Variants in UTRN observed in about 807,000 individuals in gnomAD.
UTRN encodes the protein dystrophin-related protein 1.
UTRN carries 283 observed loss-of-function variants against 463.9 expected under a neutral mutation model. The observed-to-expected ratio is 0.61, with a 90% CI of 0.55 to 0.67. The LOEUF is 0.67. Ranked by LOEUF, UTRN falls within the 30% of genes least tolerant of loss-of-function variation. UTRN has a pLI of 0.00. For synonymous variants in UTRN, 1,442 were observed against 1,431.5 expected (o/e 1.01, Z -0.17); for missense variants, 3,922 against 4,084.3 (o/e 0.96, Z 1.08).
At chr6:144,840,538 G>T (rs1325730664) in intron 72 of UTRN, among the ~76,000 whole-genome samples, 1 of 152,146 alleles carries the variant, frequency 6.6e-6, no homozygotes, top group Non-Finnish European at 1.5e-5. Flanking sequence ...GCTAGTACGT[G>T]TCAATTATGT....
intron 2 of UTRN, among the ~76,000 whole-genome samples, chr6:144,331,560 G>T (rs949143301): frequency 3.3e-5 from 5 of 152,176 alleles, no homozygotes; most frequent in Admixed American, 6.5e-5. Context: ...GTTAATTAGT[G>T]CCCCTGCATC....
chr6:144,343,406 AC>A, intron 2 of UTRN, among the ~76,000 whole-genome samples: 2 of 139,350 alleles, frequency 1.4e-5, no homozygotes, highest in Non-Finnish European at 3.1e-5. Context: ...ACACACACAC[AC>A]ACAATAGCCG....
At chr6:144,289,085 C>T (rs1410594718) in intron 1 of UTRN, among the ~76,000 whole-genome samples, 4 of 152,216 alleles carry the variant, frequency 2.6e-5, no homozygotes, top group Non-Finnish European at 5.9e-5. Context: ...CAGGCATGAG[C>T]CACCATGCTG....
chr6:144,555,929 A>G (rs988628388), intron 49 of UTRN, among the ~76,000 whole-genome samples: 4 of 152,378 alleles, frequency 2.6e-5, no homozygotes, highest in East Asian at 1.9e-4. Context: ...AACAAATCAG[A>G]TAAGTAAGTT....
intron 9 of UTRN, among the ~76,000 whole-genome samples, chr6:144,435,435 T>C (rs1307552898): frequency 1.3e-5 from 2 of 152,168 alleles, no homozygotes; most frequent in East Asian, 3.8e-4. Flanking sequence ...GGCTGTCTTT[T>C]AGTGTCTAAA....
intron 35 of UTRN, among the ~76,000 whole-genome samples, 190 bp downstream of exon 35, chr6:144,511,313 A>C (rs1795145808): frequency 6.6e-6 from 1 of 152,218 alleles, no homozygotes; most frequent in African/African-American, 2.4e-5. Context: ...AAGAATTTAC[A>C]GTGTTTCTAA....
chr6:144,475,034 G>A (rs549244330), intron 25 of UTRN, among the ~76,000 whole-genome samples: 18 of 152,296 alleles, frequency 1.2e-4, no homozygotes, highest in African/African-American at 3.1e-4. Context: ...AGACATTTGA[G>A]TGGGACCATT....
At chr6:144,725,733 A>G (rs913914932) in intron 53 of UTRN, among the ~76,000 whole-genome samples, 1 of 152,258 alleles carries the variant, frequency 6.6e-6, no homozygotes, top group Non-Finnish European at 1.5e-5. Flanking sequence ...TTATATGTAT[A>G]AAACTGTTGA....
chr6:144,666,741 A>C (rs1388448865), intron 51 of UTRN, among the ~76,000 whole-genome samples: 1 of 152,196 alleles, frequency 6.6e-6, no homozygotes, highest in Non-Finnish European at 1.5e-5. Context: ...GGTTTTCCAC[A>C]TACTGAAAAT....
chr6:144,704,247 G>C (rs1392641561), intron 53 of UTRN, among the ~76,000 whole-genome samples: 1 of 152,112 alleles, frequency 6.6e-6, no homozygotes, highest in African/African-American at 2.4e-5. Context: ...TCCTAGCTTA[G>C]TTTATGAAAG....
At position 144,304,974 on chromosome 6, in the gene UTRN, C is replaced by G. The variant is rs577976820; in HGVS notation, c.79+13067C>G. Among the ~76,000 whole-genome samples the G allele has an allele frequency of 1.1e-4, 17 of 151,218 alleles. No individual in the cohort carries two copies. In the East Asian group the frequency reaches 3.3e-3, roughly 29 times the overall value. On this transcript the variant is annotated intron_variant, in intron 2 of 74. Coordinates refer to ENST00000367545, the MANE Select transcript of UTRN (RefSeq NM_007124.3). ...GAAATGGAGTTTCACTCTTGTTGCC[C>G]AGGCTGGAGTGCAATGGCGCGATCT... is the stretch of plus-strand genomic sequence containing the variant.
Position 144,459,184 on chromosome 6 carries a change from C to T in UTRN, c.2537C>T (p.Thr846Ile). 6.2e-7 allele frequency: 1 copy of T among 1,610,696 alleles called. No homozygotes were observed. Among genetic ancestry groups the T allele is most frequent in the Non-Finnish European group, 8.5e-7 (1 of 1,178,816 alleles). The change falls in exon 21 of 75, where the codon ACA becomes ATA. Residue 846 changes from threonine to isoleucine, a missense_variant. Transcript: ENST00000367545. Reference sequence around the variant, plus strand: ...TTTTCTCTTCCTTAGCGGGAATTGACAAATCTTCTTGGCCTTCACCCCAAA... The same window carrying T: ...TTTTCTCTTCCTTAGCGGGAATTGATAAATCTTCTTGGCCTTCACCCCAAA... ...SLKDSCQREL[T>I]NLLGLHPKIE... is the part of the protein sequence containing the mutation.
Position 144,525,816 on chromosome 6 carries a change from T to C in UTRN, c.5906+2628T>C, listed in dbSNP as rs150517687. Among the ~76,000 whole-genome samples, 187 of 152,276 alleles carry C rather than the reference T, an allele frequency of 1.2e-3. 1 individual carries two copies. Among genetic ancestry groups the C allele is most frequent in the African/African-American group, 4.2e-3 (174 of 41,576 alleles). On this transcript the variant is annotated intron_variant, in intron 41 of 74. Transcript: ENST00000367545. ...CTTTTAGACTCTTTGATGTAGGCAT[T>C]TAATGCTATGCACATTCCTCTTAGT... is the stretch of plus-strand genomic sequence containing the variant.
At chr6:144,459,434 C>T (rs1437033073) in intron 21 of UTRN, 80 bp downstream of exon 21, 4 of 1,442,142 alleles carry the variant, frequency 2.8e-6, no homozygotes, top group Non-Finnish European at 3.7e-6. Flanking sequence ...AACTTGAGTA[C>T]ACTTGCTTGC....
chr6:144,521,955 A>C, intron 39 of UTRN, 25 bp from the exon 40 acceptor site: 1 of 942,218 alleles, frequency 1.1e-6, no homozygotes, highest in Non-Finnish European at 1.4e-6. Flanking sequence ...ATATATATAT[A>C]TTTTTTTTTT....
chr6:144,348,579 A>G (rs1029691214), intron 2 of UTRN, among the ~76,000 whole-genome samples: 3 of 152,224 alleles, frequency 2.0e-5, no homozygotes, highest in Non-Finnish European at 4.4e-5. Context: ...ACTATAACTT[A>G]CAGAGGTGAG....
At chr6:144,306,867 C>T (rs1805785743) in intron 2 of UTRN, among the ~76,000 whole-genome samples, 1 of 151,018 alleles carries the variant, frequency 6.6e-6, no homozygotes, top group Non-Finnish European at 1.5e-5. Flanking sequence ...ACCAGCCTGG[C>T]CAACATAGTG....
At chr6:144,709,805 G>A (rs1785483313) in intron 53 of UTRN, among the ~76,000 whole-genome samples, 2 of 152,044 alleles carry the variant, frequency 1.3e-5, no homozygotes, top group African/African-American at 4.8e-5. Context: ...CTTTATTTAG[G>A]GGTTGATTTA....
Position 144,522,998 on chromosome 6 carries a change from A to G in UTRN, c.5734-18A>G, listed in dbSNP as rs371671730. 9 of 1,560,554 alleles carry G rather than the reference A, an allele frequency of 5.8e-6. No homozygotes were observed. The highest frequency in any genetic ancestry group is 2.5e-5 in the South Asian group (2 of 81,498). ...TTACTTTGCTGGATTTTGTTAATCT[A>G]TGACAATATATTTTTAGAATATCAA... is the stretch of plus-strand genomic sequence containing the variant. On this transcript the variant is annotated intron_variant, in intron 40 of 74. Coordinates refer to ENST00000367545, the MANE Select transcript of UTRN (RefSeq NM_007124.3).
Sources: allele counts gnomAD v4.1 joint callset (sites outside exome capture counted in the v4.1 genomes callset), GRCh38; gene constraint gnomAD v4.1.1; transcripts MANE v1.5; gene names NCBI Gene and HGNC (gene_info 2026-07-23, HGNC 2026-07-21).